PUS7: variants seen among roughly 807,000 people sequenced by gnomAD.
PUS7 encodes pseudouridine synthase 7.
A neutral mutation model predicts 79.8 loss-of-function variants in PUS7; 48 were observed. That is an observed-to-expected ratio of 0.60 (90% CI 0.48 to 0.76). The LOEUF (loss-of-function observed/expected upper bound fraction) is 0.76, where lower values mean the gene tolerates loss of function less well. PUS7 is among the 30% of genes least tolerant of loss of function. The pLI is 0.00. For missense variants in PUS7, 729 were observed against 797.6 expected (o/e 0.91, Z 1.04); for synonymous variants, 286 against 272.2 (o/e 1.05, Z -0.50).
At chr7:105,463,138 G>A (rs1185955023) in intron 13 of PUS7, among the ~76,000 whole-genome samples, 2 of 152,144 alleles carry the variant, frequency 1.3e-5, no homozygotes, top group Non-Finnish European at 2.9e-5. Flanking sequence ...ATAAATAAAT[G>A]TATAAAAATA....
At chr7:105,521,811 G>A (rs1161783393) in intron 1 of PUS7, among the ~76,000 whole-genome samples, 1 of 151,128 alleles carries the variant, frequency 6.6e-6, no homozygotes, top group Non-Finnish European at 1.5e-5. Flanking sequence ...AGAGCGGAGC[G>A]GGGAGCGGGG....
intron 9 of PUS7, among the ~76,000 whole-genome samples, chr7:105,480,077 C>A (rs192535459): frequency 6.8e-4 from 104 of 152,320 alleles, no homozygotes; most frequent in African/African-American, 1.9e-3. Flanking sequence ...TAACACAGAT[C>A]AGAAAATGTG....
chr7:105,460,392 CAA>C (rs1823372412), intron 14 of PUS7, among the ~76,000 whole-genome samples: 1 of 152,124 alleles, frequency 6.6e-6, no homozygotes, highest in South Asian at 2.1e-4. Context: ...GTGGGGAAGA[CAA>C]AGTCCAACCA....
intron 10 of PUS7, among the ~76,000 whole-genome samples, chr7:105,471,876 C>A (rs1180045131): frequency 6.8e-6 from 1 of 146,632 alleles, no homozygotes. Context: ...CATGCCATTG[C>A]ACTCCAGCCT....
At chr7:105,488,049 A>T (rs1294398892) in intron 7 of PUS7, among the ~76,000 whole-genome samples, 2 of 152,154 alleles carry the variant, frequency 1.3e-5, no homozygotes, top group African/African-American at 4.8e-5. Flanking sequence ...TCCGTGAGAT[A>T]AGTGCTGTGT....
intron 6 of PUS7, 114 bp downstream of exon 6, chr7:105,495,028 A>T (rs1013896273): frequency 7.3e-6 from 4 of 545,612 alleles, no homozygotes; most frequent in Non-Finnish European, 1.3e-5. Flanking sequence ...CATTGGGAGG[A>T]GCATTTACTA....
intron 7 of PUS7, among the ~76,000 whole-genome samples, chr7:105,488,576 G>A (rs1351290380): frequency 6.6e-6 from 1 of 152,176 alleles, no homozygotes. Flanking sequence ...GTCTGTCATG[G>A]ACTGGGTTAT....
At chr7:105,493,146 A>G (rs1238409783) in intron 6 of PUS7, among the ~76,000 whole-genome samples, 2 of 152,206 alleles carry the variant, frequency 1.3e-5, no homozygotes, top group Admixed American at 6.5e-5. Flanking sequence ...ATTTATCTTC[A>G]GTTTTTAAAA....
In PUS7 at chr7:105,472,181, T is replaced by C. The variant is rs1430453618; in HGVS notation, c.1188A>G (p.Gln396=). The part of the protein sequence containing the change: ...PTYQVGRAIL[Q]NSWTEVMDLI... ...AATCCATGACTTCTGTCCAGGAATT[T>C]TGTAGTATAGCTCTAAAATTAAACA... is the stretch of plus-strand genomic sequence containing the variant. The change falls in exon 10 of 16, where the codon CAA becomes CAG. Residue 396 remains glutamine, a synonymous_variant. Coordinates refer to ENST00000469408, the MANE Select transcript of PUS7 (RefSeq NM_019042.5). 1.9e-6 allele frequency: 3 copies of C among 1,591,262 alleles called. No individual in the cohort carries two copies. Among genetic ancestry groups the C allele is most frequent in the Admixed American group, 1.7e-5 (1 of 59,512 alleles).
chr7:105,504,498 G>A (rs1003707770), intron 4 of PUS7, among the ~76,000 whole-genome samples: 3 of 152,120 alleles, frequency 2.0e-5, no homozygotes, highest in African/African-American at 7.2e-5. Context: ...CAAGGAGAAC[G>A]ACAGTTTGTG....
At chr7:105,471,989 AAT>A (rs1227575062) in intron 10 of PUS7, 141 bp downstream of exon 10, 1 of 562,844 alleles carries the variant, frequency 1.8e-6, no homozygotes, top group African/African-American at 2.1e-5. Flanking sequence ...GAAAAATATA[AAT>A]AAACTTATAC....
rs1209089711 is a variant in PUS7, at chr7:105,465,368, G to T, written c.1572C>A (p.Ile524=). 6.2e-7 allele frequency: 1 copy of T among 1,613,712 alleles called. No homozygotes were observed. The highest frequency in any genetic ancestry group is 1.3e-5 in the African/African-American group (1 of 75,032). ...IEEDDVNNYS[I]HDVVMPLPGF... ...CAGGCAAGGGCATTACCACATCATG[G>T]ATAGAGTAATTATTAACATCATCTT... The change falls in exon 13 of 16, where the codon ATC becomes ATA. Residue 524 remains isoleucine (I), a synonymous_variant. Transcript: ENST00000469408.
chr7:105,460,626 G>A (rs989074223), intron 14 of PUS7, among the ~76,000 whole-genome samples: 3 of 151,750 alleles, frequency 2.0e-5, no homozygotes, highest in Non-Finnish European at 2.9e-5. Flanking sequence ...AGGCCGAGGC[G>A]GGCGGATCAC....
chr7:105,471,983 A>G (rs1361002682), intron 10 of PUS7, 149 bp downstream of exon 10: 5 of 575,538 alleles, frequency 8.7e-6, no homozygotes, highest in Non-Finnish European at 1.5e-5. Flanking sequence ...ACTGTTGAAA[A>G]ATATAAATAA....
intron 4 of PUS7, among the ~76,000 whole-genome samples, chr7:105,503,614 A>G (rs912686802): frequency 6.6e-6 from 1 of 152,086 alleles, no homozygotes; most frequent in African/African-American, 2.4e-5. Flanking sequence ...ATGCACAAGT[A>G]TTTTCTATGT....
chr7:105,468,471 G>C lies in PUS7; in HGVS notation c.1399-8C>G. On this transcript the variant is annotated splice_polypyrimidine_tract_variant and splice_region_variant and intron_variant, in intron 11 of 15. Coordinates refer to ENST00000469408, the MANE Select transcript of PUS7 (RefSeq NM_019042.5). The stretch of plus-strand genomic sequence containing the variant: ...GCGATTATTTCTGGGTATCTGGAGG[G>C]AAGGAAAAAAATAGGCAAGAAAACA... 1 of 1,574,426 alleles carries C rather than the reference G, an allele frequency of 6.4e-7. No homozygotes were observed. The highest frequency in any genetic ancestry group is 8.6e-7 in the Non-Finnish European group (1 of 1,163,802).
At chr7:105,507,307 A>T (rs1174735923) in intron 2 of PUS7, among the ~76,000 whole-genome samples, 2 of 151,946 alleles carry the variant, frequency 1.3e-5, no homozygotes, top group African/African-American at 4.8e-5. Flanking sequence ...TGGCCTCCCA[A>T]AGTGCTGGGA....
At chr7:105,484,897 G>C (rs1444337754) in intron 7 of PUS7, among the ~76,000 whole-genome samples, 1 of 129,710 alleles carries the variant, frequency 7.7e-6, no homozygotes, top group South Asian at 2.4e-4. Context: ...GTCTTGCTCT[G>C]TGTCGCCCAG....
At chr7:105,477,208 G>C (rs1017011088) in intron 9 of PUS7, among the ~76,000 whole-genome samples, 6 of 152,038 alleles carry the variant, frequency 3.9e-5, no homozygotes, top group Non-Finnish European at 7.4e-5. Context: ...CATAAGTGCA[G>C]CTCTTATGTT....
Sources: gnomAD v4.1 joint callset for allele counts (sites outside exome capture counted in the v4.1 genomes callset) on GRCh38, gnomAD v4.1.1 for gene constraint, MANE v1.5 for transcripts, NCBI Gene and HGNC (gene_info 2026-07-23, HGNC 2026-07-21) for gene names.